The following STPG2 variants were observed in gnomAD, a reference collection of about 807,000 sequenced individuals.
The protein encoded by STPG2 is sperm-tail PG-rich repeat-containing protein 2.
In STPG2, 56 loss-of-function variants were observed where a neutral mutation model predicts 54.2. The ratio of observed to expected loss-of-function variants is 1.03; its 90% CI spans 0.83 to 1.29. The LOEUF is 1.29. Ranked by LOEUF, STPG2 falls within the 50% of genes most tolerant of loss-of-function variation. The pLI, the probability that STPG2 is intolerant of heterozygous loss-of-function variation, is 0.00. For synonymous variants in STPG2, 200 were observed against 181.8 expected, an observed-to-expected ratio of 1.10 and a Z score of -0.81; for missense variants, 596 against 544.9, an observed-to-expected ratio of 1.09 and a Z score of -0.93.
intron 4 of STPG2, among the ~76,000 whole-genome samples, chr4:97,451,434 G>T (rs1729361330): frequency 6.6e-6 from 1 of 151,690 alleles, no homozygotes; most frequent in Admixed American, 6.6e-5. Flanking sequence ...AAGGAGAGGA[G>T]GTAGAACAGC....
intron 4 of STPG2, among the ~76,000 whole-genome samples, chr4:97,541,714 C>T (rs1174137543): frequency 6.6e-6 from 1 of 152,148 alleles, no homozygotes; most frequent in Non-Finnish European, 1.5e-5. Flanking sequence ...TATCTGACTT[C>T]AAACTATACT....
chr4:97,858,209 A>G (rs1026924316), intron 8 of STPG2, among the ~76,000 whole-genome samples: 1 of 152,126 alleles, frequency 6.6e-6, no homozygotes, highest in Non-Finnish European at 1.5e-5. Flanking sequence ...CAGAAATCCA[A>G]GCAGATTTAC....
At chr4:97,798,739 G>T (rs892190384) in intron 9 of STPG2, among the ~76,000 whole-genome samples, 6 of 99,946 alleles carry the variant, frequency 6.0e-5, no homozygotes, top group Admixed American at 2.4e-4. Flanking sequence ...GGATATCCTT[G>T]TTAACTTTCT....
At chr4:98,099,052 G>T (rs1738944333) in intron 5 of STPG2, among the ~76,000 whole-genome samples, 1 of 151,536 alleles carries the variant, frequency 6.6e-6, no homozygotes, top group Non-Finnish European at 1.5e-5. Flanking sequence ...CAGTTTAGAG[G>T]TTCCTCAAAA....
chr4:97,568,650 T>TA (rs1366463167), intron 10 of STPG2, among the ~76,000 whole-genome samples: 4 of 151,708 alleles, frequency 2.6e-5, no homozygotes, highest in Middle Eastern at 3.4e-3. Flanking sequence ...TAATAATAAT[T>TA]AAAAAAAACA....
chr4:97,869,941 C>G (rs1729926696), intron 8 of STPG2, among the ~76,000 whole-genome samples: 1 of 151,514 alleles, frequency 6.6e-6, no homozygotes. Context: ...CCCGGGTCTT[C>G]CACTTGCAAT....
chr4:97,904,304 G>A (rs980192922), intron 8 of STPG2, among the ~76,000 whole-genome samples: 21 of 152,162 alleles, frequency 1.4e-4, no homozygotes, highest in Admixed American at 1.1e-3. Flanking sequence ...TGACCCCCGA[G>A]CAGCCTAACT....
chr4:97,466,238 G>A (rs754623565), intron 4 of STPG2, among the ~76,000 whole-genome samples: 4 of 152,004 alleles, frequency 2.6e-5, no homozygotes, highest in Non-Finnish European at 5.9e-5. Flanking sequence ...ATTTGTCTGA[G>A]ATAGAAATTT....
intron 5 of STPG2, among the ~76,000 whole-genome samples, chr4:98,007,595 G>T (rs1735614325): frequency 6.6e-6 from 1 of 152,234 alleles, no homozygotes; most frequent in Middle Eastern, 3.4e-3. Flanking sequence ...TAACTCTCTA[G>T]CAATGGATCC....
At chr4:97,938,658 C>T (rs912278121) in intron 8 of STPG2, among the ~76,000 whole-genome samples, 13 of 152,200 alleles carry the variant, frequency 8.5e-5, no homozygotes, top group African/African-American at 1.4e-4. Flanking sequence ...CAGAGCTTCC[C>T]AGGCTGGATG....
At chr4:97,537,230 C>A (rs1731555427) in intron 4 of STPG2, among the ~76,000 whole-genome samples, 1 of 152,072 alleles carries the variant, frequency 6.6e-6, no homozygotes, top group Admixed American at 6.6e-5. Context: ...CGAGTGTGAG[C>A]CAAAACAGGA....
At chr4:97,644,204 G>T (rs1196487485) in intron 10 of STPG2, among the ~76,000 whole-genome samples, 2 of 151,746 alleles carry the variant, frequency 1.3e-5, no homozygotes, top group African/African-American at 4.8e-5. Flanking sequence ...TTATTTAAGA[G>T]AAGTACCTGA....
intron 3 of STPG2, among the ~76,000 whole-genome samples, chr4:98,113,996 T>C (rs1739435999): frequency 6.6e-6 from 1 of 152,030 alleles, no homozygotes; most frequent in South Asian, 2.1e-4. Context: ...CAGCAGTACA[T>C]GCCAGTAAAA....
chr4:97,907,087 G>T (rs941159818), intron 8 of STPG2, among the ~76,000 whole-genome samples: 1 of 151,916 alleles, frequency 6.6e-6, no homozygotes, highest in Admixed American at 6.6e-5. Flanking sequence ...GTCCCTGTTT[G>T]CAGACGACAT....
At chr4:97,573,485 G>A (rs1425451002) in intron 10 of STPG2, among the ~76,000 whole-genome samples, 1 of 151,700 alleles carries the variant, frequency 6.6e-6, no homozygotes, top group Non-Finnish European at 1.5e-5. Flanking sequence ...TAGCTATAAA[G>A]GCTGCATGGT....
chr4:97,914,438 G>A (rs1384879282), intron 8 of STPG2, among the ~76,000 whole-genome samples: 1 of 152,074 alleles, frequency 6.6e-6, no homozygotes, highest in Non-Finnish European at 1.5e-5. Flanking sequence ...ATTGTTGTAA[G>A]ACACATAAAA....
At chr4:97,990,233 T>C (rs113029459) in intron 5 of STPG2, among the ~76,000 whole-genome samples, 1,777 of 152,310 alleles carry the variant, frequency 0.012, 30 homozygotes, top group African/African-American at 0.041. Flanking sequence ...CCTAATGTTA[T>C]TGAACTTTCC....
At chr4:97,846,114 AGGTCT>A (rs2149126169) in intron 8 of STPG2, among the ~76,000 whole-genome samples, 1 of 152,200 alleles carries the variant, frequency 6.6e-6, no homozygotes, top group Admixed American at 6.6e-5. Flanking sequence ...CAAAGGATAG[AGGTCT>A]GGACTGGAAA....
intron 5 of STPG2, among the ~76,000 whole-genome samples, chr4:98,024,757 C>A (rs752654214): frequency 6.6e-6 from 1 of 152,160 alleles, no homozygotes; most frequent in African/African-American, 2.4e-5. Flanking sequence ...TGCTTTCTCT[C>A]AATATAATTA....
Sources: allele counts gnomAD v4.1 joint callset (sites outside exome capture counted in the v4.1 genomes callset), GRCh38; gene constraint gnomAD v4.1.1; transcripts MANE v1.5; gene names NCBI Gene and HGNC (gene_info 2026-07-23, HGNC 2026-07-21).